The following TGFBI variants were observed in gnomAD, a reference collection of about 807,000 sequenced individuals.
The protein encoded by TGFBI is transforming growth factor-beta-induced protein ig-h3.
A neutral mutation model predicts 73.7 loss-of-function variants in TGFBI; 50 were observed. The observed-to-expected ratio is 0.68, with a 90% CI of 0.54 to 0.86. TGFBI has a LOEUF of 0.86. Ranked by LOEUF, TGFBI falls within the 40% of genes least tolerant of loss-of-function variation. The pLI, the probability that TGFBI is intolerant of heterozygous loss-of-function variation, is 0.00. For synonymous variants in TGFBI, 362 were observed against 360.5 expected (o/e 1.00, Z -0.05); for missense variants, 839 against 877.0 (o/e 0.96, Z 0.55).
chr5:136,030,642 G>A (rs187583564), intron 1 of TGFBI, among the ~76,000 whole-genome samples: 1 of 152,178 alleles, frequency 6.6e-6, no homozygotes, highest in Non-Finnish European at 1.5e-5. Context: ...AGATGAGAGG[G>A]ATATGAGGCC....
intron 15 of TGFBI, 75 bp from the exon 16 acceptor site, chr5:136,062,581 TGGCAATG>T: frequency 7.1e-7 from 1 of 1,413,568 alleles, no homozygotes; most frequent in East Asian, 2.5e-5. Flanking sequence ...TGAGTAGGGG[TGGCAATG>T]GGCAAAGCCA....
At chr5:136,062,179 G>A (rs1204682094) in intron 15 of TGFBI, among the ~76,000 whole-genome samples, 2 of 152,100 alleles carry the variant, frequency 1.3e-5, no homozygotes, top group Non-Finnish European at 2.9e-5. Context: ...TTGCTACTTC[G>A]GGTCAGGTGG....
intron 10 of TGFBI, chr5:136,055,445 G>A: frequency 2.5e-6 from 1 of 394,948 alleles, no homozygotes. Flanking sequence ...TCTCATTATG[G>A]GACCTCTGTG....
At chr5:136,038,938 T>C (rs1751279641) in intron 2 of TGFBI, among the ~76,000 whole-genome samples, 1 of 152,184 alleles carries the variant, frequency 6.6e-6, no homozygotes, top group African/African-American at 2.4e-5. Flanking sequence ...GCCTCTGGAA[T>C]TGTAAGATAA....
chr5:136,031,139 C>T (rs1456471554), intron 1 of TGFBI, among the ~76,000 whole-genome samples: 1 of 152,226 alleles, frequency 6.6e-6, no homozygotes, highest in African/African-American at 2.4e-5. Flanking sequence ...TAAGAAGTCA[C>T]AGGAGCACCC....
chr5:136,062,576 A>C, intron 15 of TGFBI, 87 bp from the exon 16 acceptor site: 1 of 1,356,280 alleles, frequency 7.4e-7, no homozygotes, highest in Non-Finnish European at 1.0e-6. Context: ...TTTTCTGAGT[A>C]GGGGTGGCAA....
At position 136,029,185 on chromosome 5, in the gene TGFBI, C is replaced by A; in HGVS notation, c.130C>A (p.His44Asn). 6.7e-7 allele frequency: 1 copy of A among 1,501,604 alleles called. No individual in the cohort carries two copies. Among genetic ancestry groups the A allele is most frequent in the Non-Finnish European group, 8.8e-7 (1 of 1,130,596 alleles). 93.0% of individuals were successfully genotyped at this position (1,501,604 alleles called of 1,614,324 possible). Residue 44 changes from histidine (H) to asparagine (N), a missense_variant, in exon 1 of 17, where the codon CAC (histidine) becomes AAC (asparagine). Transcript: ENST00000442011. The part of the protein sequence containing the change: ...LQHSRLRGRQ[H>N]GPNVCAVQKV... Reference sequence around the variant, plus strand: ...GCACAGCAGGCTCCGGGGCCGCCAGCACGGGTAAGCCGAGCCGCCTGGCCA... The same window carrying A: ...GCACAGCAGGCTCCGGGGCCGCCAGAACGGGTAAGCCGAGCCGCCTGGCCA...
At chr5:136,061,422 G>T in intron 14 of TGFBI, 78 bp from the exon 15 acceptor site, 1 of 1,008,624 alleles carries the variant, frequency 9.9e-7, no homozygotes, top group Admixed American at 2.0e-5. Context: ...GCCCACCAGT[G>T]CCCCTCAGTC....
At position 136,053,077 on chromosome 5, in the gene TGFBI, G is replaced by A. The variant is rs781002692; in HGVS notation, c.1084G>A (p.Gly362Arg). ...ISNKDILATN[G>R]VIHYIDELLI... ...CAATAAAGACATCCTAGCCACCAAC[G>A]GGGTGATCCACTACATTGATGAGCT... is the stretch of plus-strand genomic sequence containing the variant. Residue 362 changes from glycine (G) to arginine (R), a missense_variant, in exon 8 of 17, where the codon GGG becomes AGG. Gly to Arg is a moderately radical substitution (Grantham distance 125, BLOSUM62 -2). Transcript: ENST00000442011. 2.2e-5 allele frequency: 35 copies of A among 1,613,932 alleles called. No individual in the cohort carries two copies. The highest frequency in any genetic ancestry group is 2.7e-5 in the Non-Finnish European group (32 of 1,179,912).
intron 6 of TGFBI, chr5:136,048,298 C>T (rs377213265): frequency 1.4e-4 from 21 of 152,210 alleles, no homozygotes; most frequent in African/African-American, 3.6e-4. Context: ...GTTGGCAGCA[C>T]GTGAACAGCA....
Position 136,055,683 on chromosome 5 carries a change from C to G in TGFBI, c.1414C>G (p.Leu472Val), listed in dbSNP as rs748172304. The change falls in exon 11 of 17, where the codon CTC becomes GTC. Residue 472 changes from leucine (L) to valine (V), a missense_variant. Physicochemically the swap from Leu to Val is conservative, Grantham distance 32. Transcript: ENST00000442011. ...TCTCTGTCCCTCTTCTGTGCAGAGC[C>G]TCTGCATTGAGAACAGCTGCATCGC... ...KLRVFVYRNS[L>V]CIENSCIAAH... 7 of 1,601,086 alleles carry G rather than the reference C, an allele frequency of 4.4e-6. No homozygotes were observed. Among genetic ancestry groups the G allele is most frequent in the Admixed American group, 1.7e-5 (1 of 59,754 alleles).
intron 2 of TGFBI, among the ~76,000 whole-genome samples, chr5:136,036,874 A>G (rs550862442): frequency 2.0e-5 from 3 of 152,178 alleles, no homozygotes; most frequent in East Asian, 1.9e-4. Flanking sequence ...GGAGTAAAGT[A>G]TCATGGGGGA....
chr5:136,047,326 A>C lies in TGFBI; in HGVS notation c.677A>C (p.Asn226Thr). 6.2e-7 allele frequency: 1 copy of C among 1,613,846 alleles called. No individual in the cohort carries two copies. Among genetic ancestry groups the C allele is most frequent in the Non-Finnish European group, 8.5e-7 (1 of 1,179,854 alleles). The change falls in exon 6 of 17, where the codon AAC becomes ACC. Residue 226 changes from asparagine to threonine, a missense_variant. Coordinates refer to ENST00000442011, the MANE Select transcript of TGFBI (RefSeq NM_000358.3). ...RLLKADHHAT[N>T]GVVHLIDKVI... is the part of the protein sequence containing the mutation. ...CTGAAAGCCGACCACCATGCAACCA[A>C]CGGGGTGGTGCACCTCATCGATAAG...
At chr5:136,057,463 A>G (rs1416362537) in intron 12 of TGFBI, among the ~76,000 whole-genome samples, 1 of 152,142 alleles carries the variant, frequency 6.6e-6, no homozygotes, top group Non-Finnish European at 1.5e-5. Context: ...TGGCTAAGAA[A>G]AATGAGGAAG....
intron 6 of TGFBI, 104 bp from the exon 7 acceptor site, chr5:136,049,335 G>A (rs2126910714): frequency 6.9e-7 from 1 of 1,442,218 alleles, no homozygotes; most frequent in South Asian, 1.4e-5. Flanking sequence ...GGGCTTCTGT[G>A]AAAGCCTCGA....
intron 12 of TGFBI, 74 bp from the exon 13 acceptor site, chr5:136,059,016 C>T: frequency 6.5e-7 from 1 of 1,545,052 alleles, no homozygotes; most frequent in Middle Eastern, 2.1e-4. Context: ...TACATCTTCT[C>T]CTCTGGGCCC....
rs750693052 is a variant in TGFBI, at chr5:136,054,017, G to T, written c.1201G>T (p.Gly401Cys). The change falls in exon 9 of 17, where the codon GGC becomes TGC. Residue 401 changes from glycine to cysteine, a missense_variant. By Grantham distance (159) the Gly-to-Cys change is radical. Transcript: ENST00000442011. ...AIDLFRQAGL[G>C]NHLSGSERLT... ...TGACCTTTTCAGACAAGCCGGCCTC[G>T]GCAATCATCTCTCTGGAAGTGAGCG... 1 of 1,614,032 alleles carries T rather than the reference G, an allele frequency of 6.2e-7. No homozygotes were observed. Among genetic ancestry groups the T allele is most frequent in the Non-Finnish European group, 8.5e-7 (1 of 1,179,902 alleles).
At chr5:136,029,215 C>T in intron 1 of TGFBI, 26 bp downstream of exon 1, 1 of 1,452,738 alleles carries the variant, frequency 6.9e-7, no homozygotes, top group Non-Finnish European at 9.0e-7. Flanking sequence ...TGGCCAGGGG[C>T]TGCGGAAGGT....
chr5:136,054,041 C>T lies in TGFBI; in HGVS notation c.1225C>T (p.Arg409Trp), dbSNP rs777531295. 20 of 1,613,838 alleles carry T rather than the reference C, an allele frequency of 1.2e-5. No homozygotes were observed. Among genetic ancestry groups the T allele is most frequent in the Non-Finnish European group, 1.3e-5 (15 of 1,179,866 alleles). ...GLGNHLSGSE[R>W]LTLLAPLNSV... ...CGGCAATCATCTCTCTGGAAGTGAG[C>T]GGTTGACCCTCCTGGCTCCCCTGAA... Residue 409 changes from arginine to tryptophan, a missense_variant, in exon 9 of 17, where the codon CGG (arginine) becomes TGG (tryptophan). Physicochemically the swap from Arg to Trp is moderately radical, Grantham distance 101. Coordinates refer to ENST00000442011, the MANE Select transcript of TGFBI (RefSeq NM_000358.3).
Sources: gnomAD v4.1 joint callset for allele counts (sites outside exome capture counted in the v4.1 genomes callset) on GRCh38, gnomAD v4.1.1 for gene constraint, MANE v1.5 for transcripts, NCBI Gene and HGNC (gene_info 2026-07-23, HGNC 2026-07-21) for gene names.